SPICE1: variants seen among roughly 807,000 people sequenced by gnomAD.
The protein encoded by SPICE1 is spindle and centriole-associated protein 1.
In SPICE1, 75 loss-of-function variants were observed where a neutral mutation model predicts 102.7. The observed-to-expected ratio is 0.73, with a 90% confidence interval of 0.61 to 0.88. SPICE1 has a LOEUF of 0.88. Ranked by LOEUF, SPICE1 falls within the 40% of genes least tolerant of loss-of-function variation. The probability of loss-of-function intolerance (pLI) is 0.00; values close to 1 mark genes in which losing one functional copy is unlikely to be tolerated. For synonymous variants in SPICE1, 308 were observed against 350.3 expected (o/e 0.88, Z 1.35); for missense variants, 979 against 1,020.1 (o/e 0.96, Z 0.55).
intron 12 of SPICE1, chr3:113,460,131 G>A (rs1052074902): frequency 2.0e-6 from 2 of 985,254 alleles, no homozygotes; most frequent in African/African-American, 3.5e-5. Context: ...ATGAGATGAA[G>A]GAAGAATTTC....
In SPICE1 at chr3:113,468,161, C is replaced by T. The variant is rs778625852; in HGVS notation, c.1133G>A (p.Arg378His). The T allele has an allele frequency of 2.7e-5, 44 of 1,614,058 alleles. No individual in the cohort carries two copies. The highest frequency in any genetic ancestry group is 2.1e-4 in the South Asian group (19 of 91,086). ...TACCTCTTTAAGGTACCGAACCAGG[C>T]GACAGAGGGAGCTCACCAGCGACAA... ...FTLSLVSSLC[R>H]LVRYLKESEI... The change falls in exon 10 of 18, where the codon CGC (arginine) becomes CAC (histidine). Residue 378 changes from arginine (R) to histidine (H), a missense_variant. Transcript: ENST00000295872.
chr3:113,486,156 C>CATATATATATATATATATATATAT (rs61506451), intron 7 of SPICE1, among the ~76,000 whole-genome samples: 2 of 142,044 alleles, frequency 1.4e-5, no homozygotes, highest in South Asian at 2.2e-4. Flanking sequence ...CCTAAATGAC[C>CATATATATATATATATATATATAT]ATATATATAT....
At chr3:113,480,024 T>C (rs1267227487) in intron 7 of SPICE1, among the ~76,000 whole-genome samples, 3 of 151,958 alleles carry the variant, frequency 2.0e-5, no homozygotes, top group Non-Finnish European at 4.4e-5. Context: ...AGAACCAAAA[T>C]AAATGATTGA....
rs980639745 is a variant in SPICE1, at chr3:113,445,206, G to T, written c.*101C>A. 10 of 879,922 alleles carry T rather than the reference G, an allele frequency of 1.1e-5. No individual in the cohort carries two copies. The highest frequency in any genetic ancestry group is 3.4e-5 in the African/African-American group (2 of 58,536). 54.5% of individuals were successfully genotyped at this position (879,922 alleles called of 1,614,324 possible). On this transcript the variant is annotated 3_prime_UTR_variant, in exon 18 of 18. Transcript: ENST00000295872. ...ATTAGTACTAATTCACAGGATCTTT[G>T]TAGGTTTTATCTGAAAGAAGGATAT...
chr3:113,469,384 T>A, intron 7 of SPICE1, 146 bp from the exon 8 acceptor site: 1 of 182,144 alleles, frequency 5.5e-6, no homozygotes, highest in Non-Finnish European at 1.0e-5. Context: ...ATAAATTTAA[T>A]TTTATATATA....
intron 13 of SPICE1, 48 bp downstream of exon 13, chr3:113,457,088 A>C: frequency 6.4e-7 from 1 of 1,557,734 alleles, no homozygotes; most frequent in Non-Finnish European, 8.8e-7. Context: ...CATTGCACAA[A>C]TGAAACATTA....
At position 113,478,898 on chromosome 3, in the gene SPICE1, C is replaced by T. The variant is rs114114800; in HGVS notation, c.612-9660G>A. Among the ~76,000 whole-genome samples, 678 of 152,126 alleles carry T rather than the reference C, an allele frequency of 4.5e-3. 13 individuals carry two copies. Among genetic ancestry groups the T allele is most frequent in the Admixed American group, 0.03 (452 of 15,270 alleles). ...AGGTAGAAATATTACAAATCACACT[C>T]TGAATGTAACGTAATAAAACTAGAA... On this transcript the variant is annotated intron_variant, in intron 7 of 17. Transcript: ENST00000295872.
At chr3:113,455,207 C>T (rs1327006039) in intron 13 of SPICE1, among the ~76,000 whole-genome samples, 6 of 151,970 alleles carry the variant, frequency 3.9e-5, no homozygotes, top group Admixed American at 1.3e-4. Flanking sequence ...AATATGAATT[C>T]GAATGAACGC....
At chr3:113,507,462 C>G (rs1416267642) in intron 1 of SPICE1, among the ~76,000 whole-genome samples, 1 of 152,040 alleles carries the variant, frequency 6.6e-6, no homozygotes, top group East Asian at 1.9e-4. Context: ...AAAACAAGGA[C>G]TCTAGTATTT....
rs747838301 is a variant in SPICE1 at position 113,469,081 on chromosome 3, T to G, written c.751+18A>C. 2 of 1,606,144 alleles carry G rather than the reference T, an allele frequency of 1.2e-6. No homozygotes were observed. Among genetic ancestry groups the G allele is most frequent in the East Asian group, 2.2e-5 (1 of 44,780 alleles). Reference sequence around the variant, plus strand: ...TAATAAAGCAGGCACCTAGAAATAATGCAAAAGGGAAACAAACCTCTTTGC... The same window carrying G: ...TAATAAAGCAGGCACCTAGAAATAAGGCAAAAGGGAAACAAACCTCTTTGC... On this transcript the variant is annotated intron_variant, in intron 8 of 17. Coordinates refer to ENST00000295872, the MANE Select transcript of SPICE1 (RefSeq NM_144718.4).
chr3:113,458,655 G>A (rs1408879537), intron 12 of SPICE1, among the ~76,000 whole-genome samples: 8 of 150,172 alleles, frequency 5.3e-5, no homozygotes, highest in South Asian at 2.1e-4. Flanking sequence ...AGTGAGGAGC[G>A]TCTCTGCCTG....
At chr3:113,509,461 C>T (rs776985519) in intron 1 of SPICE1, among the ~76,000 whole-genome samples, 17 of 151,986 alleles carry the variant, frequency 1.1e-4, no homozygotes, top group Non-Finnish European at 2.4e-4. Flanking sequence ...GAATACAGAA[C>T]TGTATGTATA....
At chr3:113,486,252 A>G (rs1265618688) in intron 7 of SPICE1, among the ~76,000 whole-genome samples, 1 of 146,058 alleles carries the variant, frequency 6.8e-6, no homozygotes, top group Non-Finnish European at 1.5e-5. Flanking sequence ...AGAAAGCAGG[A>G]AAGATCTAAA....
At chr3:113,479,875 C>A (rs6783965) in intron 7 of SPICE1, among the ~76,000 whole-genome samples, 7 of 151,624 alleles carry the variant, frequency 4.6e-5, no homozygotes, top group African/African-American at 1.7e-4. Context: ...AAATGCACAA[C>A]GAAGGAAATA....
chr3:113,469,500 G>T (rs1489195060), intron 7 of SPICE1, among the ~76,000 whole-genome samples: 1 of 144,038 alleles, frequency 6.9e-6, no homozygotes, highest in African/African-American at 2.5e-5. Flanking sequence ...TATATTACAT[G>T]TAATTTAATT....
chr3:113,503,136 AT>A (rs772456402), intron 3 of SPICE1, 43 bp downstream of exon 3: 7 of 1,583,638 alleles, frequency 4.4e-6, no homozygotes, highest in Non-Finnish European at 6.0e-6. Context: ...CAAATACCAA[AT>A]AAAACACTGA....
chr3:113,490,230 G>GT (rs570001319), intron 6 of SPICE1, among the ~76,000 whole-genome samples: 490 of 152,248 alleles, frequency 3.2e-3, no homozygotes, highest in Non-Finnish European at 5.6e-3. Context: ...CTTTCTGAAT[G>GT]TTTTTATCTA....
At chr3:113,480,968 A>G (rs931140104) in intron 7 of SPICE1, among the ~76,000 whole-genome samples, 7 of 101,896 alleles carry the variant, frequency 6.9e-5, no homozygotes, top group Middle Eastern at 4.3e-3. Context: ...CTTACTTAAG[A>G]GGAAACAATA....
chr3:113,477,903 T>C, intron 7 of SPICE1, among the ~76,000 whole-genome samples: 1 of 151,480 alleles, frequency 6.6e-6, no homozygotes, highest in South Asian at 2.1e-4. Flanking sequence ...AACCTGCACA[T>C]TGTGCACATG....
Sources: allele counts gnomAD v4.1 joint callset (sites outside exome capture counted in the v4.1 genomes callset), GRCh38; gene constraint gnomAD v4.1.1; transcripts MANE v1.5; gene names NCBI Gene and HGNC (gene_info 2026-07-23, HGNC 2026-07-21).